OSBPL8: variants seen among roughly 807,000 people sequenced by gnomAD.
OSBPL8 encodes the protein oxysterol binding protein like 8.
Under a neutral mutation model 125.5 loss-of-function variants are expected in OSBPL8, and 59 were observed. That is an observed-to-expected ratio of 0.47 (90% CI 0.38 to 0.58). The LOEUF is 0.58. OSBPL8 is among the 20% of genes least tolerant of loss of function. The pLI, the probability that OSBPL8 is intolerant of heterozygous loss-of-function variation, is 0.00. For synonymous variants in OSBPL8, 330 were observed against 338.9 expected (o/e 0.97, Z 0.29); for missense variants, 758 against 1,047.8 (o/e 0.72, Z 3.82).
At chr12:76,550,805 T>C (rs1040577458) in intron 1 of OSBPL8, among the ~76,000 whole-genome samples, 3 of 152,030 alleles carry the variant, frequency 2.0e-5, no homozygotes, top group Non-Finnish European at 4.4e-5. Context: ...AAGAGAAAGG[T>C]GAATCAACAT....
intron 1 of OSBPL8, among the ~76,000 whole-genome samples, chr12:76,490,440 G>A (rs571111584): frequency 3.5e-4 from 53 of 152,298 alleles, no homozygotes; most frequent in African/African-American, 1.1e-3. Context: ...GCTGGACGTC[G>A]GGGACTATGG....
chr12:76,400,054 G>A, intron 6 of OSBPL8, 80 bp from the exon 7 acceptor site: 1 of 1,048,314 alleles, frequency 9.5e-7, no homozygotes, highest in South Asian at 1.6e-5. Flanking sequence ...TACAAATGCA[G>A]GTTTGTTATA....
chr12:76,381,407 A>T (rs1455868251), intron 15 of OSBPL8, among the ~76,000 whole-genome samples: 1 of 152,184 alleles, frequency 6.6e-6, no homozygotes, highest in African/African-American at 2.4e-5. Flanking sequence ...AATTTATCTG[A>T]TATAAAGCTA....
intron 1 of OSBPL8, among the ~76,000 whole-genome samples, chr12:76,525,282 T>C (rs1029272037): frequency 6.6e-6 from 1 of 152,186 alleles, no homozygotes; most frequent in African/African-American, 2.4e-5. Context: ...AAAGTTTATA[T>C]ATGAAAAAGA....
intron 4 of OSBPL8, among the ~76,000 whole-genome samples, chr12:76,429,004 A>G (rs1030452856): frequency 8.5e-5 from 13 of 152,140 alleles, no homozygotes; most frequent in Non-Finnish European, 5.9e-5. Context: ...TCTTAGCTGT[A>G]GTTAGCAAAA....
At chr12:76,386,791 A>C (rs1382770710) in intron 12 of OSBPL8, 131 bp from the exon 13 acceptor site, 17 of 589,002 alleles carry the variant, frequency 2.9e-5, no homozygotes, top group African/African-American at 7.6e-5. Flanking sequence ...ATGACAAAAC[A>C]ACCATGTAAT....
At chr12:76,398,264 T>A (rs1047438019) in intron 7 of OSBPL8, among the ~76,000 whole-genome samples, 22 of 152,202 alleles carry the variant, frequency 1.4e-4, no homozygotes, top group Admixed American at 6.5e-4. Flanking sequence ...ATGATGATTC[T>A]GCTTAAAACA....
chr12:76,373,735 C>CCTAA (rs5799268), intron 17 of OSBPL8, among the ~76,000 whole-genome samples: 148,962 of 152,138 alleles, frequency 0.98, 73,008 homozygotes, highest in Middle Eastern at 1. Flanking sequence ...TGTGTCCTCC[C>CCTAA]CTGTCAAGAC....
At chr12:76,426,810 G>T (rs1870207134) in intron 4 of OSBPL8, among the ~76,000 whole-genome samples, 1 of 152,036 alleles carries the variant, frequency 6.6e-6, no homozygotes, top group African/African-American at 2.4e-5. Context: ...TTATGTCCAG[G>T]ATCTTAATTC....
At chr12:76,371,972 TAC>T (rs957537891) in intron 18 of OSBPL8, 16 of 156,570 alleles carry the variant, frequency 1.0e-4, no homozygotes, top group Admixed American at 1.9e-4. Context: ...TACTCAAACA[TAC>T]ACACACACAC....
intron 1 of OSBPL8, among the ~76,000 whole-genome samples, chr12:76,490,797 A>G (rs916111592): frequency 2.6e-5 from 4 of 152,212 alleles, no homozygotes; most frequent in Non-Finnish European, 1.5e-5. Flanking sequence ...TGTTGTTAAC[A>G]CTTAAGCCAC....
chr12:76,360,912 T>C (rs921601934), intron 21 of OSBPL8, among the ~76,000 whole-genome samples: 1 of 152,216 alleles, frequency 6.6e-6, no homozygotes, highest in African/African-American at 2.4e-5. Flanking sequence ...GAAACCATTT[T>C]TTCCTCCTAG....
Position 76,378,528 on chromosome 12 carries a change from T to C in OSBPL8, c.1653A>G (p.Leu551=), listed in dbSNP as rs201651369. 43 of 1,602,222 alleles carry C rather than the reference T, an allele frequency of 2.7e-5. No homozygotes were observed. The highest frequency in any genetic ancestry group is 3.3e-5 in the Non-Finnish European group (39 of 1,171,344). Residue 551 remains leucine, a synonymous_variant, in exon 16 of 24, where the codon TTA becomes TTG. Transcript: ENST00000261183. The part of the protein sequence containing the change: ...KFYGNSLSAI[L]EGEARLTFLN... ...AGAAAGTTAACCGTGCTTCTCCCTC[T>C]AATATTGCAGATAATGAGTTTCCTG... is the stretch of plus-strand genomic sequence containing the variant.
intron 1 of OSBPL8, among the ~76,000 whole-genome samples, chr12:76,520,612 C>G (rs1442815637): frequency 6.6e-6 from 1 of 152,050 alleles, no homozygotes; most frequent in Non-Finnish European, 1.5e-5. Flanking sequence ...GAAACATATT[C>G]CAAGCAGAGA....
chr12:76,497,974 G>C (rs1879455489), intron 1 of OSBPL8, among the ~76,000 whole-genome samples: 2 of 152,194 alleles, frequency 1.3e-5, no homozygotes, highest in Non-Finnish European at 2.9e-5. Context: ...AACTGTTTTT[G>C]TGTGAACATT....
intron 1 of OSBPL8, among the ~76,000 whole-genome samples, chr12:76,553,219 T>C (rs957912538): frequency 1.3e-5 from 2 of 152,048 alleles, no homozygotes; most frequent in Admixed American, 1.3e-4. Context: ...AATTTCCACA[T>C]GGGCCCCAGC....
At chr12:76,449,564 G>A (rs1296448081) in intron 4 of OSBPL8, among the ~76,000 whole-genome samples, 1 of 152,200 alleles carries the variant, frequency 6.6e-6, no homozygotes, top group Non-Finnish European at 1.5e-5. Flanking sequence ...GAATTCTTCA[G>A]TCATGCACTC....
chr12:76,420,607 T>C (rs1869353042), intron 4 of OSBPL8, among the ~76,000 whole-genome samples: 1 of 152,022 alleles, frequency 6.6e-6, no homozygotes, highest in Admixed American at 6.5e-5. Context: ...AAAAAAGGGT[T>C]ATGCTCAAAG....
chr12:76,393,596 A>T (rs1953657286), intron 9 of OSBPL8, among the ~76,000 whole-genome samples: 1 of 150,158 alleles, frequency 6.7e-6, no homozygotes, highest in South Asian at 2.1e-4. Context: ...CTGTAGTCCC[A>T]GCCACTCGGG....
Sources: gnomAD v4.1 joint callset for allele counts (sites outside exome capture counted in the v4.1 genomes callset) on GRCh38, gnomAD v4.1.1 for gene constraint, MANE v1.5 for transcripts, NCBI Gene and HGNC (gene_info 2026-07-23, HGNC 2026-07-21) for gene names.